The following FHIT variants were observed in gnomAD, a reference collection of about 807,000 sequenced individuals.
FHIT encodes bis(5'-adenosyl)-triphosphatase.
Under a neutral mutation model 17.9 loss-of-function variants are expected in FHIT, and 19 were observed. The observed-to-expected ratio is 1.06, with a 90% CI of 0.74 to 1.56. FHIT has a LOEUF of 1.56. Among genes scored for constraint, FHIT ranks in the 40% most tolerant of loss-of-function variants. The probability of loss-of-function intolerance (pLI) is 0.00; values close to 1 mark genes in which losing one functional copy is unlikely to be tolerated. For synonymous variants in FHIT, 81 were observed against 69.7 expected (o/e 1.16, Z -0.81); for missense variants, 248 against 189.2 (o/e 1.31, Z -1.82).
intron 3 of FHIT, among the ~76,000 whole-genome samples, chr3:60,847,555 A>G (rs1553746929): frequency 1.3e-5 from 2 of 152,142 alleles, no homozygotes; most frequent in East Asian, 1.9e-4. Flanking sequence ...AAGCATCCCT[A>G]TCAACTCTCC....
intron 4 of FHIT, among the ~76,000 whole-genome samples, chr3:60,537,900 C>A (rs1290156459): frequency 2.0e-5 from 3 of 152,054 alleles, no homozygotes; most frequent in Non-Finnish European, 4.4e-5. Flanking sequence ...GAACATGGAT[C>A]AATCTACAGA....
intron 5 of FHIT, among the ~76,000 whole-genome samples, chr3:60,427,716 T>C (rs1268163960): frequency 6.6e-6 from 1 of 152,146 alleles, no homozygotes; most frequent in African/African-American, 2.4e-5. Flanking sequence ...TATGTGATTA[T>C]TGCTAGATTT....
chr3:60,192,005 G>C (rs1047313278), intron 5 of FHIT, among the ~76,000 whole-genome samples: 2 of 152,034 alleles, frequency 1.3e-5, no homozygotes, highest in Non-Finnish European at 2.9e-5. Flanking sequence ...CCAGCACTGA[G>C]GATTGGAGAC....
chr3:60,064,348 A>G (rs1464390192), intron 5 of FHIT, among the ~76,000 whole-genome samples: 9 of 152,170 alleles, frequency 5.9e-5, no homozygotes, highest in South Asian at 2.1e-4. Flanking sequence ...TTTAGCTGCA[A>G]TGAAAGAACA....
At position 59,791,805 on chromosome 3, in the gene FHIT, T is replaced by G. The variant is rs1374452123; in HGVS notation, c.349-39484A>C. 2.6e-5 allele frequency among the ~76,000 whole-genome samples: 4 copies of G among 152,154 alleles called. No individual in the cohort carries two copies. The East Asian group carries it at 5.8e-4, about 22-fold the overall frequency. On this transcript the variant is annotated intron_variant, in intron 8 of 9. Coordinates refer to ENST00000492590, the MANE Select transcript of FHIT (RefSeq NM_002012.4). ...CCTGTCAATAAGGGCTATGTATCTT[T>G]TGGATCAAACTCTCATAGAAGAAGG...
At chr3:60,244,492 T>C (rs1169764464) in intron 5 of FHIT, among the ~76,000 whole-genome samples, 1 of 152,100 alleles carries the variant, frequency 6.6e-6, no homozygotes, top group Non-Finnish European at 1.5e-5. Flanking sequence ...AAGATAATCA[T>C]GAGCCTTTAC....
chr3:60,129,499 G>A (rs1206239114), intron 5 of FHIT, among the ~76,000 whole-genome samples: 1 of 152,244 alleles, frequency 6.6e-6, no homozygotes, highest in South Asian at 2.1e-4. Flanking sequence ...AAGCCAAACT[G>A]AAAACTTTCC....
intron 8 of FHIT, among the ~76,000 whole-genome samples, chr3:59,891,265 C>T (rs893031910): frequency 6.6e-6 from 1 of 152,202 alleles, no homozygotes; most frequent in Non-Finnish European, 1.5e-5. Context: ...AAGGCGTGGC[C>T]TCTTCCCTCA....
chr3:61,119,180 A>G (rs1280279218), intron 2 of FHIT, among the ~76,000 whole-genome samples: 4 of 152,128 alleles, frequency 2.6e-5, no homozygotes, highest in African/African-American at 9.7e-5. Context: ...CACTTCAGCC[A>G]GGTCATTCAT....
intron 3 of FHIT, among the ~76,000 whole-genome samples, chr3:60,879,370 A>T (rs1438399979): frequency 1.3e-5 from 2 of 152,216 alleles, no homozygotes; most frequent in Non-Finnish European, 2.9e-5. Flanking sequence ...AAACAAAGTC[A>T]CCACACTTTT....
chr3:60,943,272 C>T (rs1708496566), intron 3 of FHIT, among the ~76,000 whole-genome samples: 1 of 152,026 alleles, frequency 6.6e-6, no homozygotes, highest in South Asian at 2.1e-4. Flanking sequence ...TTTTTACTTT[C>T]TATATTTTTA....
At chr3:60,963,217 A>T (rs1168656567) in intron 3 of FHIT, among the ~76,000 whole-genome samples, 1 of 152,130 alleles carries the variant, frequency 6.6e-6, no homozygotes, top group Non-Finnish European at 1.5e-5. Flanking sequence ...TTATTTGCAT[A>T]GAGGTGTTTA....
In FHIT at chr3:60,293,431, A is replaced by G. The variant is rs188644529; in HGVS notation, c.103+243429T>C. On this transcript the variant is annotated intron_variant, in intron 5 of 9. Transcript: ENST00000492590. ...GGAAAAATATTCCAGTTATGGCTTC[A>G]AAGTCACTAATTTCCATGGAAGGAG... Among the ~76,000 whole-genome samples the G allele has an allele frequency of 2.0e-5, 3 of 152,310 alleles. No individual in the cohort carries two copies. The East Asian group carries it at 5.8e-4, about 29-fold the overall frequency.
rs546496229 is a variant in FHIT at position 60,273,246 on chromosome 3, C to A, written c.104-259094G>T. Among the ~76,000 whole-genome samples the A allele has an allele frequency of 9.9e-5, 15 of 152,240 alleles. No homozygotes were observed. In the South Asian group the frequency reaches 2.9e-3, roughly 29 times the overall value. The stretch of plus-strand genomic sequence containing the variant: ...AGGGTAAAATAAAAACTTCGTATTT[C>A]TTTGAATTAATATCCAATTCTCTTC... On this transcript the variant is annotated intron_variant, in intron 5 of 9. Coordinates refer to ENST00000492590, the MANE Select transcript of FHIT (RefSeq NM_002012.4).
At chr3:60,173,915 A>ATATATATATATATTTTTTTTTTTT in intron 5 of FHIT, among the ~76,000 whole-genome samples, 3 of 66,430 alleles carry the variant, frequency 4.5e-5, no homozygotes, top group Admixed American at 2.1e-4. Context: ...ATATATATAT[A>ATATATATATATATTTTTTTTTTTT]TGTTTTTTTT....
At chr3:60,433,826 G>T (rs1296424323) in intron 5 of FHIT, among the ~76,000 whole-genome samples, 1 of 152,004 alleles carries the variant, frequency 6.6e-6, no homozygotes, top group Non-Finnish European at 1.5e-5. Flanking sequence ...CATATTAGAT[G>T]CATCAGATGT....
chr3:59,998,534 T>C (rs1699605822), intron 7 of FHIT, among the ~76,000 whole-genome samples: 1 of 152,076 alleles, frequency 6.6e-6, no homozygotes, highest in Non-Finnish European at 1.5e-5. Context: ...AGAGATTCAT[T>C]TACTAGATGG....
intron 7 of FHIT, among the ~76,000 whole-genome samples, chr3:59,978,454 G>T (rs1294861148): frequency 6.6e-6 from 1 of 151,840 alleles, no homozygotes; most frequent in African/African-American, 2.4e-5. Context: ...TTATACCCAT[G>T]ATGTAAATAT....
intron 2 of FHIT, among the ~76,000 whole-genome samples, chr3:61,101,894 G>A (rs890945165): frequency 1.4e-4 from 22 of 152,048 alleles, no homozygotes; most frequent in South Asian, 6.2e-4. Context: ...TGATTTTTGC[G>A]CATTGATTTT....
Sources: allele counts gnomAD v4.1 joint callset (sites outside exome capture counted in the v4.1 genomes callset), GRCh38; gene constraint gnomAD v4.1.1; transcripts MANE v1.5; gene names NCBI Gene and HGNC (gene_info 2026-07-23, HGNC 2026-07-21).